Variants in IL6ST observed in about 807,000 individuals in gnomAD.
IL6ST encodes the protein interleukin-6 receptor subunit beta.
IL6ST carries 24 observed loss-of-function variants against 91.3 expected under a neutral mutation model. The observed-to-expected ratio is 0.26, with a 90% confidence interval of 0.19 to 0.37. The LOEUF (loss-of-function observed/expected upper bound fraction) is 0.37. Among genes scored for constraint, IL6ST ranks in the 10% least tolerant of loss-of-function variants. The pLI is 1.00. For synonymous variants in IL6ST, 351 were observed against 373.6 expected (o/e 0.94, Z 0.70); for missense variants, 914 against 1,078.5 (o/e 0.85, Z 2.14).
intron 1 of IL6ST, among the ~76,000 whole-genome samples, chr5:55,988,284 T>C (rs985683860): frequency 3.3e-5 from 5 of 152,030 alleles, no homozygotes; most frequent in Non-Finnish European, 5.9e-5. Context: ...TAAGCAAAAA[T>C]ATAATAAATA....
rs1554022341 is a variant in IL6ST, at chr5:55,939,347, C to CTATT, written c.*1731_*1734dup. The stretch of plus-strand genomic sequence containing the variant: ...AACTGAATATATCAGAATGAAACAT[C>CTATT]TATTTTTTTCATAAAGAAGATCATA... On this transcript the variant is annotated 3_prime_UTR_variant, in exon 17 of 17. Transcript: ENST00000381298. The CTATT allele has an allele frequency of 5.0e-6, 1 of 200,920 alleles. No individual in the cohort carries two copies. The highest frequency in any genetic ancestry group is 2.3e-5 in the African/African-American group (1 of 43,268). 12.4% of individuals were successfully genotyped at this position (200,920 alleles called of 1,614,324 possible). A position where few individuals can be genotyped will look rare whatever the true frequency, so the allele number is the denominator to read the frequency against.
chr5:55,970,692 T>G (rs1027770463), intron 3 of IL6ST, among the ~76,000 whole-genome samples: 22 of 151,954 alleles, frequency 1.4e-4, no homozygotes, highest in African/African-American at 5.1e-4. Flanking sequence ...TAGGATCCCC[T>G]ATTTAAAAAC....
intron 6 of IL6ST, 54 bp downstream of exon 6, chr5:55,964,092 A>G (rs1223267710): frequency 1.1e-6 from 1 of 885,474 alleles, no homozygotes; most frequent in Non-Finnish European, 1.6e-6. Flanking sequence ...AACTACTTTA[A>G]TTTGTAAACG....
In IL6ST at chr5:55,951,917, C is replaced by T. The variant is rs754041038; in HGVS notation, c.1699+12G>A. 2.9e-6 allele frequency: 4 copies of T among 1,363,316 alleles called. No individual in the cohort carries two copies. The South Asian group carries it at 4.9e-5, about 17-fold the overall frequency. 84.5% of individuals were successfully genotyped at this position (1,363,316 alleles called of 1,614,324 possible). A position where few individuals can be genotyped will look rare whatever the true frequency, so the allele number is the denominator to read the frequency against. ...AATAACTGATTCTTAATAACTGATA[C>T]AGTTTTATTACCAGTTTCATTTCCA... On this transcript the variant is annotated intron_variant, in intron 13 of 16. Coordinates refer to ENST00000381298, the MANE Select transcript of IL6ST (RefSeq NM_002184.4).
intron 14 of IL6ST, among the ~76,000 whole-genome samples, chr5:55,951,251 A>G: frequency 6.6e-6 from 1 of 152,216 alleles, no homozygotes; most frequent in Non-Finnish European, 1.5e-5. Flanking sequence ...TAGGATTTTT[A>G]GTACAGCTGA....
At chr5:55,983,272 C>G (rs1195562199) in intron 1 of IL6ST, among the ~76,000 whole-genome samples, 1 of 152,130 alleles carries the variant, frequency 6.6e-6, no homozygotes, top group Non-Finnish European at 1.5e-5. Flanking sequence ...AGGCATGAGC[C>G]ACCGCGCCCA....
intron 14 of IL6ST, 70 bp downstream of exon 14, chr5:55,951,394 G>T: frequency 8.7e-7 from 1 of 1,147,488 alleles, no homozygotes; most frequent in Non-Finnish European, 1.3e-6. Context: ...CACAATTTTA[G>T]CACATAAACT....
intron 10 of IL6ST, 110 bp from the exon 11 acceptor site, chr5:55,955,102 C>T (rs2111704492): frequency 4.0e-6 from 3 of 743,158 alleles, no homozygotes; most frequent in Non-Finnish European, 6.5e-6. Flanking sequence ...GTAGCATATA[C>T]TTCCTTGCCT....
intron 7 of IL6ST, among the ~76,000 whole-genome samples, chr5:55,961,795 A>G (rs952284861): frequency 7.2e-5 from 11 of 152,016 alleles, no homozygotes; most frequent in Admixed American, 5.9e-4. Context: ...CCTGGAAGGA[A>G]GCAGGGAAAA....
chr5:55,946,802 T>C (rs1225476511), intron 15 of IL6ST, among the ~76,000 whole-genome samples: 1 of 146,772 alleles, frequency 6.8e-6, no homozygotes, highest in Non-Finnish European at 1.5e-5. Flanking sequence ...GGGAACAGAG[T>C]GAGACTCCAT....
At chr5:55,965,512 TGACAAACCA>T (rs1752578436) in intron 5 of IL6ST, among the ~76,000 whole-genome samples, 1 of 152,286 alleles carries the variant, frequency 6.6e-6, no homozygotes, top group East Asian at 1.9e-4. Context: ...CTAAAAACTA[TGACAAACCA>T]GTAGTGATGA....
At chr5:55,991,743 T>TAAA (rs74490662) in intron 1 of IL6ST, among the ~76,000 whole-genome samples, 3 of 139,764 alleles carry the variant, frequency 2.1e-5, no homozygotes, top group Non-Finnish European at 3.1e-5. Flanking sequence ...TTCTCTATTC[T>TAAA]AAAAAAAAAA....
chr5:55,989,604 G>A (rs1292198060), intron 1 of IL6ST, among the ~76,000 whole-genome samples: 1 of 152,110 alleles, frequency 6.6e-6, no homozygotes, highest in Non-Finnish European at 1.5e-5. Context: ...TCTCACCATT[G>A]CTTAAGAAAT....
chr5:55,974,958 C>T (rs372526670), intron 3 of IL6ST, among the ~76,000 whole-genome samples: 124 of 101,202 alleles, frequency 1.2e-3, no homozygotes, highest in South Asian at 2.4e-3. Flanking sequence ...CACACACATA[C>T]ACACACACAC....
At position 55,937,443 on chromosome 5, in the gene IL6ST, C is replaced by G. The variant is rs867324220; in HGVS notation, c.*3639G>C. On this transcript the variant is annotated 3_prime_UTR_variant, in exon 17 of 17. Coordinates refer to ENST00000381298, the MANE Select transcript of IL6ST (RefSeq NM_002184.4). ...ATAGGTTAATGCAAAAGATAATACG[C>G]TTGGCTTTGTAAAGTTTTGTTTTGA... 2 of 211,974 alleles carry G rather than the reference C, an allele frequency of 9.4e-6. No homozygotes were observed. The highest frequency in any genetic ancestry group is 1.9e-5 in the Non-Finnish European group (2 of 104,544). The allele number at this position is 211,974 out of a possible 1,614,324, so 13.1% of individuals were successfully genotyped here. A position where few individuals can be genotyped will look rare whatever the true frequency, so the allele number is the denominator to read the frequency against.
rs1416287682 is a variant in IL6ST, at chr5:55,935,811, C to G, written c.*5271G>C. ...AAGCAATCCTGAACAAGAAAACTCTCTCACTGCCTTTGGGCTAGAGAAAGA... is the reference window on the plus strand; with the variant it reads ...AAGCAATCCTGAACAAGAAAACTCTGTCACTGCCTTTGGGCTAGAGAAAGA... On this transcript the variant is annotated 3_prime_UTR_variant, in exon 17 of 17. Coordinates refer to ENST00000381298, the MANE Select transcript of IL6ST (RefSeq NM_002184.4). The G allele has an allele frequency of 4.6e-6, 1 of 217,462 alleles. No homozygotes were observed. The highest frequency in any genetic ancestry group is 2.2e-5 in the African/African-American group (1 of 44,462). 13.5% of individuals were successfully genotyped at this position (217,462 alleles called of 1,614,324 possible). A position where few individuals can be genotyped will look rare whatever the true frequency, so the allele number is the denominator to read the frequency against.
At chr5:55,993,678 C>T (rs1754462573) in intron 1 of IL6ST, among the ~76,000 whole-genome samples, 1 of 152,058 alleles carries the variant, frequency 6.6e-6, no homozygotes, top group South Asian at 2.1e-4. Flanking sequence ...TAAAAACAAA[C>T]GTTCAAGATT....
At chr5:55,966,760 G>T (rs755099650) in intron 5 of IL6ST, among the ~76,000 whole-genome samples, 3 of 152,220 alleles carry the variant, frequency 2.0e-5, no homozygotes, top group Admixed American at 2.0e-4. Context: ...GTATGCAAGA[G>T]TGTTCACTGT....
At chr5:55,994,122 T>C (rs1580883872) in intron 1 of IL6ST, 1 of 150,592 alleles carries the variant, frequency 6.6e-6, no homozygotes, top group East Asian at 1.9e-4. Flanking sequence ...AGTTTCGGAT[T>C]ATGAAATAAA....
Sources: allele counts gnomAD v4.1 joint callset (sites outside exome capture counted in the v4.1 genomes callset), GRCh38; gene constraint gnomAD v4.1.1; transcripts MANE v1.5; gene names NCBI Gene and HGNC (gene_info 2026-07-23, HGNC 2026-07-21).